The following ANKRD17 variants were observed in gnomAD, a reference collection of about 807,000 sequenced individuals.
ANKRD17 encodes the protein ankyrin repeat domain 17, also known as ankyrin repeat domain-containing protein 17.
A neutral mutation model predicts 229.7 loss-of-function variants in ANKRD17; 19 were observed. That is an observed-to-expected ratio of 0.08 (90% CI 0.06 to 0.12). The LOEUF (loss-of-function observed/expected upper bound fraction) is 0.12. Among genes scored for constraint, ANKRD17 ranks in the 10% least tolerant of loss-of-function variants. The probability of loss-of-function intolerance (pLI) is 1.00; values close to 1 mark genes in which losing one functional copy is unlikely to be tolerated. For missense variants in ANKRD17, 2,176 were observed against 3,176.8 expected (o/e 0.68, Z 7.57); for synonymous variants, 1,112 against 1,146.1 (o/e 0.97, Z 0.60).
rs763921925 is a variant in ANKRD17, at chr4:73,120,917, C to G, written c.3813G>C (p.Leu1271=). The G allele has an allele frequency of 1.2e-6, 2 of 1,613,476 alleles. No homozygotes were observed. The highest frequency in any genetic ancestry group is 1.7e-6 in the Non-Finnish European group (2 of 1,179,804). The change falls in exon 20 of 34, where the codon CTG becomes CTC. Residue 1271 remains leucine (L), a synonymous_variant. Coordinates refer to ENST00000358602, the MANE Select transcript of ANKRD17 (RefSeq NM_032217.5). ...GTTCAACATTTGCTTTTCTATCAAG[C>G]AGAAGACTAACCACTTCAGTTCTTC... ...FQGRTEVVSL[L]LDRKANVEHR... is the part of the protein sequence containing the mutation.
Position 73,236,426 on chromosome 4 carries a change from G to T in ANKRD17, c.393+21850C>A, listed in dbSNP as rs145635732. On this transcript the variant is annotated intron_variant, in intron 1 of 33. Transcript: ENST00000358602. The stretch of plus-strand genomic sequence containing the variant: ...GGCCTCCCAAAGGGCTGTCATTACA[G>T]ATGTGAGTCACTGCAACCAGCCTGA... Among the ~76,000 whole-genome samples, 6 of 152,248 alleles carry T rather than the reference G, an allele frequency of 3.9e-5. No homozygotes were observed. The East Asian group carries it at 1.2e-3, about 29-fold the overall frequency.
chr4:73,120,516 A>G (rs1403946760), intron 20 of ANKRD17, among the ~76,000 whole-genome samples, 179 bp from the exon 21 acceptor site: 1 of 149,424 alleles, frequency 6.7e-6, no homozygotes, highest in Non-Finnish European at 1.5e-5. Flanking sequence ...AAAGAAAATA[A>G]TTCTACCTAA....
In ANKRD17 at chr4:73,091,621, C is replaced by A; in HGVS notation, c.6007G>T (p.Val2003Leu). 6.2e-7 allele frequency: 1 copy of A among 1,614,190 alleles called. No individual in the cohort carries two copies. The stretch of plus-strand genomic sequence containing the variant: ...GTTGTGGTGGCATTGGATGTCTTCA[C>A]AACTGTGACAAAAAGCTGCCTTCGG... ...SVRRQLFVTV[V>L]KTSNATTTTV... Residue 2003 changes from valine to leucine, a missense_variant, in exon 29 of 34, where the codon GTG becomes TTG. By Grantham distance (32) the Val-to-Leu change is conservative (BLOSUM62 1). Transcript: ENST00000358602.
chr4:73,158,151 A>AG (rs1491521519), intron 3 of ANKRD17, among the ~76,000 whole-genome samples: 27 of 31,178 alleles, frequency 8.7e-4, no homozygotes, highest in Admixed American at 2.5e-3. Flanking sequence ...AGAAAGGAAG[A>AG]AAAAGAAAGA....
At chr4:73,139,389 G>T (rs957498190) in intron 15 of ANKRD17, 142 bp downstream of exon 15, 4 of 950,134 alleles carry the variant, frequency 4.2e-6, no homozygotes, top group Non-Finnish European at 6.1e-6. Context: ...GAACTTCTGA[G>T]ATTGAACTAA....
chr4:73,163,375 G>A (rs868193308), intron 2 of ANKRD17, among the ~76,000 whole-genome samples: 16 of 152,148 alleles, frequency 1.1e-4, no homozygotes, highest in African/African-American at 1.7e-4. Flanking sequence ...CACTGCTATC[G>A]CTTGGGAGCT....
intron 1 of ANKRD17, among the ~76,000 whole-genome samples, chr4:73,204,744 A>C (rs1167257857): frequency 2.0e-5 from 3 of 152,220 alleles, no homozygotes; most frequent in African/African-American, 4.8e-5. Context: ...AAGAGAAGGA[A>C]TGAAATATAC....
At chr4:73,185,493 T>C (rs1221331358) in intron 1 of ANKRD17, among the ~76,000 whole-genome samples, 1 of 151,966 alleles carries the variant, frequency 6.6e-6, no homozygotes, top group African/African-American at 2.4e-5. Context: ...CAGTCAAAAA[T>C]TTACCATACT....
chr4:73,147,946 C>T (rs1184673154), intron 8 of ANKRD17, among the ~76,000 whole-genome samples: 2 of 152,108 alleles, frequency 1.3e-5, no homozygotes, highest in Non-Finnish European at 2.9e-5. Context: ...CTACCACCAT[C>T]ACTATAGCTA....
intron 1 of ANKRD17, among the ~76,000 whole-genome samples, chr4:73,214,147 C>T (rs1178869757): frequency 6.6e-6 from 1 of 152,108 alleles, no homozygotes; most frequent in African/African-American, 2.4e-5. Context: ...ATTCAAATTC[C>T]CACACAGATT....
chr4:73,149,461 G>GA (rs930049143), intron 7 of ANKRD17, among the ~76,000 whole-genome samples: 6 of 152,070 alleles, frequency 3.9e-5, no homozygotes, highest in Non-Finnish European at 8.8e-5. Flanking sequence ...TGATTAGTTA[G>GA]AAAAAAATGG....
At position 73,077,349 on chromosome 4, in the gene ANKRD17, C is replaced by T; in HGVS notation, c.7587+6G>A. 6.2e-7 allele frequency: 1 copy of T among 1,600,220 alleles called. No homozygotes were observed. Among genetic ancestry groups the T allele is most frequent in the Non-Finnish European group, 8.5e-7 (1 of 1,174,176 alleles). On this transcript the variant is annotated splice_donor_region_variant and intron_variant, in intron 32 of 33. Coordinates refer to ENST00000358602, the MANE Select transcript of ANKRD17 (RefSeq NM_032217.5). ...TTAAATAACTAGTACAAAATCAGGA[C>T]TTTACCCCAACTTTAGGAAAGTCCA...
At chr4:73,141,889 AT>A (rs1729656970) in intron 13 of ANKRD17, 46 bp from the exon 14 acceptor site, 1 of 1,370,896 alleles carries the variant, frequency 7.3e-7, no homozygotes, top group African/African-American at 1.4e-5. Context: ...TACACAATCC[AT>A]TAAGTAATAT....
Position 73,076,049 on chromosome 4 carries a change from G to A in ANKRD17, c.*182C>T, listed in dbSNP as rs1287216657. ...TAACTAAGGTAAAACGGATGATGAT[G>A]GGGAATGGGCAGTCACAAATGTTCA... On this transcript the variant is annotated 3_prime_UTR_variant, in exon 34 of 34. Transcript: ENST00000358602. 6.4e-6 allele frequency: 3 copies of A among 466,492 alleles called. No homozygotes were observed. Among genetic ancestry groups the A allele is most frequent in the African/African-American group, 2.0e-5 (1 of 49,218 alleles). The allele number at this position is 466,492 out of a possible 1,614,324, so 28.9% of individuals were successfully genotyped here.
In ANKRD17 at chr4:73,086,919, A is replaced by AATATACAT. The variant is rs1722222525; in HGVS notation, c.6962-1474_6962-1473insATGTATAT. ...TCTCAAAAAAAAAAAAAAAAAAAAA[A>AATATACAT]ATATATATATATATATATATATATA... is the stretch of plus-strand genomic sequence containing the variant. On this transcript the variant is annotated intron_variant, in intron 29 of 33. Transcript: ENST00000358602. 1.6e-4 allele frequency among the ~76,000 whole-genome samples: 2 copies of AATATACAT among 12,464 alleles called. 1 individual carries two copies. The highest frequency in any genetic ancestry group is 3.5e-4 in the Non-Finnish European group (2 of 5,686). The allele number at this position is 12,464 out of a possible 152,430, so 8.2% of individuals were successfully genotyped here.
chr4:73,257,639 C>T (rs777811490), intron 1 of ANKRD17, among the ~76,000 whole-genome samples: 10 of 152,156 alleles, frequency 6.6e-5, no homozygotes, highest in Non-Finnish European at 1.3e-4. Flanking sequence ...TATACAAATA[C>T]AGCATCAGTT....
chr4:73,125,389 T>G, intron 16 of ANKRD17, 77 bp from the exon 17 acceptor site: 1 of 1,018,234 alleles, frequency 9.8e-7, no homozygotes, highest in Non-Finnish European at 1.5e-6. Flanking sequence ...TGCAAACATA[T>G]CAAATACACA....
intron 30 of ANKRD17, among the ~76,000 whole-genome samples, chr4:73,081,694 A>G (rs1398024237): frequency 6.6e-6 from 1 of 152,230 alleles, no homozygotes; most frequent in Non-Finnish European, 1.5e-5. Flanking sequence ...ATGAAAAATT[A>G]CAAATAAAAA....
chr4:73,242,216 G>A (rs924559572), intron 1 of ANKRD17, among the ~76,000 whole-genome samples: 4 of 152,082 alleles, frequency 2.6e-5, no homozygotes, highest in African/African-American at 9.7e-5. Context: ...GAATCAATAT[G>A]ACATTTGAGT....
Sources: gnomAD v4.1 joint callset for allele counts (sites outside exome capture counted in the v4.1 genomes callset) on GRCh38, gnomAD v4.1.1 for gene constraint, MANE v1.5 for transcripts, NCBI Gene and HGNC (gene_info 2026-07-23, HGNC 2026-07-21) for gene names.